RASSF3: variants seen among roughly 807,000 people sequenced by gnomAD.
RASSF3 encodes ras association domain-containing protein 3.
In RASSF3, 19 loss-of-function variants were observed where a neutral mutation model predicts 19.9. The observed-to-expected ratio is 0.96, with a 90% CI of 0.67 to 1.40. RASSF3 has a LOEUF of 1.40. Ranked by LOEUF, RASSF3 falls within the 40% of genes most tolerant of loss-of-function variation. The pLI is 0.00. For synonymous variants in RASSF3, 110 were observed against 104.2 expected, an observed-to-expected ratio of 1.06 and a Z score of -0.34; for missense variants, 306 against 289.8, an observed-to-expected ratio of 1.06 and a Z score of -0.41.
intron 2 of RASSF3, among the ~76,000 whole-genome samples, chr12:64,570,778 GC>G (rs1420820799): frequency 2.6e-5 from 4 of 152,128 alleles, no homozygotes; most frequent in African/African-American, 9.7e-5. Flanking sequence ...TTTCTCACGA[GC>G]TTTTTGGGTA....
At chr12:64,573,034 C>T (rs1016435330) in intron 2 of RASSF3, among the ~76,000 whole-genome samples, 12 of 152,172 alleles carry the variant, frequency 7.9e-5, no homozygotes, top group African/African-American at 2.9e-4. Flanking sequence ...TGTACCCAGC[C>T]CAAAATGCAA....
chr12:64,589,178 A>G (rs1294665540), intron 2 of RASSF3, among the ~76,000 whole-genome samples: 1 of 152,246 alleles, frequency 6.6e-6, no homozygotes, highest in African/African-American at 2.4e-5. Flanking sequence ...GGCCAGGCGC[A>G]GTGGCTCACG....
At chr12:64,678,890 A>G (rs985040093) in intron 1 of RASSF3, among the ~76,000 whole-genome samples, 2 of 152,196 alleles carry the variant, frequency 1.3e-5, no homozygotes, top group Non-Finnish European at 2.9e-5. Context: ...GTAATGAGAA[A>G]ACTGAGGCCC....
intron 1 of RASSF3, among the ~76,000 whole-genome samples, chr12:64,630,643 T>C (rs188730743): frequency 2.0e-5 from 3 of 152,250 alleles, no homozygotes; most frequent in Admixed American, 2.0e-4. Context: ...TCTCAGTAGA[T>C]GTTTAGTTAT....
chr12:64,628,865 T>C (rs1057483889), intron 1 of RASSF3, among the ~76,000 whole-genome samples: 21 of 152,186 alleles, frequency 1.4e-4, no homozygotes, highest in African/African-American at 4.8e-4. Flanking sequence ...TAAATATTCC[T>C]AGGAAACTTT....
intron 1 of RASSF3, among the ~76,000 whole-genome samples, chr12:64,677,205 C>T (rs919746944): frequency 2.0e-5 from 3 of 152,152 alleles, no homozygotes; most frequent in Non-Finnish European, 4.4e-5. Flanking sequence ...GCTTAAAATT[C>T]AGTTCTCATT....
chr12:64,560,566 A>G (rs1592400818), intron 2 of RASSF3, among the ~76,000 whole-genome samples: 1 of 152,182 alleles, frequency 6.6e-6, no homozygotes, highest in African/African-American at 2.4e-5. Flanking sequence ...TAGCAGTTGC[A>G]CCACCACATT....
chr12:64,601,162 G>A (rs1870085106), intron 2 of RASSF3, among the ~76,000 whole-genome samples: 2 of 151,958 alleles, frequency 1.3e-5, no homozygotes, highest in South Asian at 2.1e-4. Flanking sequence ...GGTGACACAC[G>A]CCTGTAGTCC....
intron 2 of RASSF3, among the ~76,000 whole-genome samples, chr12:64,556,694 C>A (rs955973215): frequency 6.6e-6 from 1 of 152,104 alleles, no homozygotes; most frequent in Admixed American, 6.6e-5. Flanking sequence ...CACAGTTCAC[C>A]CCTGTATCCC....
chr12:64,688,838 A>G (rs1314254628), intron 3 of RASSF3, among the ~76,000 whole-genome samples: 1 of 152,216 alleles, frequency 6.6e-6, no homozygotes, highest in Admixed American at 6.5e-5. Context: ...TTTGATGTGC[A>G]TCAGTACGTG....
At chr12:64,580,078 G>A (rs1370690364) in intron 2 of RASSF3, among the ~76,000 whole-genome samples, 1 of 152,112 alleles carries the variant, frequency 6.6e-6, no homozygotes, top group Admixed American at 6.6e-5. Context: ...GCCTCCTGAA[G>A]TGCTGGGATT....
At chr12:64,584,559 C>G (rs1269643688) in intron 2 of RASSF3, among the ~76,000 whole-genome samples, 1 of 149,370 alleles carries the variant, frequency 6.7e-6, no homozygotes, top group Non-Finnish European at 1.5e-5. Context: ...CTGAACTACT[C>G]TATTTCTGAT....
chr12:64,579,062 G>A (rs917136318), intron 2 of RASSF3, among the ~76,000 whole-genome samples: 1 of 151,930 alleles, frequency 6.6e-6, no homozygotes, highest in Non-Finnish European at 1.5e-5. Context: ...AGGATGCAGA[G>A]GTTGCAGTGA....
rs1314126763 is a variant in RASSF3, at chr12:64,688,396, G to A, written c.400G>A (p.Val134Met). 14 of 1,614,086 alleles carry A rather than the reference G, an allele frequency of 8.7e-6. No individual in the cohort carries two copies. Among genetic ancestry groups the A allele is most frequent in the East Asian group, 6.7e-5 (3 of 44,890 alleles). ...VIEALLKKFL[V>M]TESPAKFALY... ...CGAGGCCCTGCTCAAAAAGTTTCTC[G>A]TGACTGAGAGCCCTGCCAAGTTTGC... The change falls in exon 3 of 5, where the codon GTG becomes ATG. Residue 134 changes from valine to methionine, a missense_variant. Transcript: ENST00000542104.
At chr12:64,520,973 G>A (rs936078214) in intron 1 of RASSF3, among the ~76,000 whole-genome samples, 2 of 152,166 alleles carry the variant, frequency 1.3e-5, no homozygotes, top group African/African-American at 4.8e-5. Flanking sequence ...TCTACAGAGA[G>A]AGAAGGTGAA....
intron 1 of RASSF3, among the ~76,000 whole-genome samples, chr12:64,520,450 C>T (rs117076499): frequency 0.028 from 4,310 of 151,366 alleles, 85 homozygotes; most frequent in Non-Finnish European, 0.046. Flanking sequence ...CGTGAGCCAC[C>T]GCGCCGGCTA....
At chr12:64,661,230 G>A (rs1872345523) in intron 1 of RASSF3, among the ~76,000 whole-genome samples, 1 of 152,172 alleles carries the variant, frequency 6.6e-6, no homozygotes. Context: ...TCTTGGGCTG[G>A]GCATGGTGGC....
At chr12:64,605,914 G>A (rs1025401446), upstream of RASSF3, among the ~76,000 whole-genome samples, 4 of 147,608 alleles carry the variant, frequency 2.7e-5, no homozygotes, top group African/African-American at 9.9e-5. Flanking sequence ...AAAAAGCAGC[G>A]AGATAATATC....
intron 2 of RASSF3, among the ~76,000 whole-genome samples, chr12:64,566,581 T>C (rs2136128097): frequency 1.3e-5 from 2 of 151,584 alleles, no homozygotes; most frequent in Middle Eastern, 6.8e-3. Flanking sequence ...AGAGTAGAGG[T>C]GAAAAAGTAG....
Sources: allele counts gnomAD v4.1 joint callset (sites outside exome capture counted in the v4.1 genomes callset), GRCh38; gene constraint gnomAD v4.1.1; transcripts MANE v1.5; gene names NCBI Gene and HGNC (gene_info 2026-07-23, HGNC 2026-07-21).